Variants in RB1 observed in about 807,000 individuals in gnomAD.
The protein encoded by RB1 is RB transcriptional corepressor 1, also known as retinoblastoma-associated protein.
In RB1, 18 loss-of-function variants were observed where a neutral mutation model predicts 135.4. The ratio of observed to expected loss-of-function variants is 0.13; its 90% CI spans 0.09 to 0.20. The LOEUF (loss-of-function observed/expected upper bound fraction) is 0.20. Ranked by LOEUF, RB1 falls within the 10% of genes least tolerant of loss-of-function variation. The probability of loss-of-function intolerance (pLI) is 1.00; values close to 1 mark genes in which losing one functional copy is unlikely to be tolerated. For synonymous variants in RB1, 365 were observed against 373.2 expected, an observed-to-expected ratio of 0.98 and a Z score of 0.25; for missense variants, 868 against 1,110.0, an observed-to-expected ratio of 0.78 and a Z score of 3.10.
At chr13:48,418,045 T>C (rs1203709144) in intron 17 of RB1, among the ~76,000 whole-genome samples, 1 of 151,710 alleles carries the variant, frequency 6.6e-6, no homozygotes, top group Non-Finnish European at 1.5e-5. Context: ...ACAAAGATAC[T>C]CCTCAAGAAG....
intron 17 of RB1, among the ~76,000 whole-genome samples, chr13:48,448,720 A>C (rs1234627489): frequency 6.6e-6 from 1 of 152,220 alleles, no homozygotes; most frequent in Non-Finnish European, 1.5e-5. Flanking sequence ...ACATCCAAGA[A>C]ATTCAAATAA....
At chr13:48,401,327 G>A (rs1179636653) in intron 17 of RB1, 1 of 152,084 alleles carries the variant, frequency 6.6e-6, no homozygotes, top group Non-Finnish European at 1.5e-5. Flanking sequence ...TTGTGAGGAA[G>A]GGCTCTAGAA....
intron 2 of RB1, among the ~76,000 whole-genome samples, chr13:48,321,052 G>T (rs975087697): frequency 5.3e-5 from 8 of 152,064 alleles, no homozygotes; most frequent in African/African-American, 1.9e-4. Context: ...CAAGGATAAG[G>T]CCTTTATCAC....
At chr13:48,318,365 C>A in intron 2 of RB1, 1 of 1,460,694 alleles carries the variant, frequency 6.8e-7, no homozygotes, top group South Asian at 1.3e-5. Flanking sequence ...TGCACCTCTT[C>A]TTGAGCTTTC....
chr13:48,369,951 G>A (rs764383332), intron 11 of RB1, among the ~76,000 whole-genome samples: 1 of 152,006 alleles, frequency 6.6e-6, no homozygotes, highest in Non-Finnish European at 1.5e-5. Flanking sequence ...TTTGTTCACT[G>A]TCTAATAATT....
chr13:48,461,517 A>AGAATTGG (rs1300686818), intron 20 of RB1, among the ~76,000 whole-genome samples: 2 of 152,354 alleles, frequency 1.3e-5, no homozygotes, highest in Non-Finnish European at 1.5e-5. Context: ...ACCTAGGAGT[A>AGAATTGG]GAATTGCTAG....
chr13:48,423,756 A>G (rs1333837807), intron 17 of RB1, among the ~76,000 whole-genome samples: 2 of 152,198 alleles, frequency 1.3e-5, no homozygotes, highest in African/African-American at 4.8e-5. Flanking sequence ...GTTCAAAAGA[A>G]AGTGTGAGCC....
At chr13:48,462,090 C>T (rs1224029499) in intron 20 of RB1, among the ~76,000 whole-genome samples, 1 of 151,960 alleles carries the variant, frequency 6.6e-6, no homozygotes, top group East Asian at 1.9e-4. Context: ...CTTGGCCTCC[C>T]AAAGTGCTGG....
chr13:48,342,367 ATCTT>A (rs1401445607), intron 2 of RB1, among the ~76,000 whole-genome samples: 1 of 151,996 alleles, frequency 6.6e-6, no homozygotes, highest in Non-Finnish European at 1.5e-5. Context: ...TTAATTTTTT[ATCTT>A]TCTAATACTT....
At chr13:48,369,698 C>A (rs1952738423) in intron 11 of RB1, among the ~76,000 whole-genome samples, 1 of 152,164 alleles carries the variant, frequency 6.6e-6, no homozygotes, top group African/African-American at 2.4e-5. Context: ...ACTTGATATT[C>A]CCTCTTCTTG....
At chr13:48,304,624 C>G (rs377541485) in intron 1 of RB1, among the ~76,000 whole-genome samples, 1 of 152,048 alleles carries the variant, frequency 6.6e-6, no homozygotes, top group African/African-American at 2.4e-5. Flanking sequence ...TGCGGCGTTT[C>G]CTTAGAACAA....
chr13:48,303,992 C>T lies in RB1; in HGVS notation c.80C>T (p.Pro27Leu). Residue 27 changes from proline to leucine, a missense_variant, in exon 1 of 27, where the codon CCC becomes CTC. Physicochemically the swap from Pro to Leu is moderately conservative, Grantham distance 98. Coordinates refer to ENST00000267163, the MANE Select transcript of RB1 (RefSeq NM_000321.3). ...GAACCCCCGGCACCGCCGCCGCCGC[C>T]CCCTCCTGAGGAGGACCCAGAGCAG... The part of the protein sequence containing the change: ...AAEPPAPPPP[P>L]PPEEDPEQDS... 1 of 1,498,796 alleles carries T rather than the reference C, an allele frequency of 6.7e-7. No individual in the cohort carries two copies. Among genetic ancestry groups the T allele is most frequent in the Non-Finnish European group, 8.8e-7 (1 of 1,132,074 alleles). The allele number at this position is 1,498,796 out of a possible 1,614,324, so 92.8% of individuals were successfully genotyped here. A position where few individuals can be genotyped will look rare whatever the true frequency, so the allele number is the denominator to read the frequency against.
chr13:48,337,903 T>A (rs1952399493), intron 2 of RB1, among the ~76,000 whole-genome samples: 1 of 152,218 alleles, frequency 6.6e-6, no homozygotes, highest in Non-Finnish European at 1.5e-5. Context: ...AGCATTTGTT[T>A]GCCTGTGAAG....
chr13:48,317,804 C>A (rs1593420654), intron 2 of RB1: 51 of 370,712 alleles, frequency 1.4e-4, no homozygotes, highest in South Asian at 1.2e-3. Flanking sequence ...TGTGGGACCC[C>A]CCTGGCCCAC....
intron 17 of RB1, among the ~76,000 whole-genome samples, chr13:48,447,627 AG>A (rs1464976068): frequency 6.6e-6 from 1 of 152,178 alleles, no homozygotes; most frequent in Non-Finnish European, 1.5e-5. Context: ...TATTATCATT[AG>A]TATCTCTGCT....
At chr13:48,381,153 C>G in intron 16 of RB1, 94 bp from the exon 17 acceptor site, 2 of 1,472,376 alleles carry the variant, frequency 1.4e-6, no homozygotes, top group Non-Finnish European at 1.8e-6. Context: ...TTTAACCTTT[C>G]TACTGTTTTC....
chr13:48,411,231 C>T, intron 17 of RB1: 2 of 647,834 alleles, frequency 3.1e-6, no homozygotes, highest in Non-Finnish European at 5.5e-6. Context: ...CATGTTAATG[C>T]TTAACACATT....
intron 17 of RB1, among the ~76,000 whole-genome samples, chr13:48,396,172 A>G (rs1046439918): frequency 6.6e-6 from 1 of 152,216 alleles, no homozygotes. Flanking sequence ...GAACCTAAAA[A>G]GAGCCCATAT....
chr13:48,332,073 C>T (rs1952342167), intron 2 of RB1, among the ~76,000 whole-genome samples: 2 of 152,116 alleles, frequency 1.3e-5, no homozygotes, highest in African/African-American at 4.8e-5. Context: ...GGAAATCCTG[C>T]CATTTGCAAG....
Sources: gnomAD v4.1 joint callset for allele counts (sites outside exome capture counted in the v4.1 genomes callset) on GRCh38, gnomAD v4.1.1 for gene constraint, MANE v1.5 for transcripts, NCBI Gene and HGNC (gene_info 2026-07-23, HGNC 2026-07-21) for gene names.